PTDSS1: variants seen among roughly 807,000 people sequenced by gnomAD.
PTDSS1 encodes the protein PSS-1.
In PTDSS1, 45 loss-of-function variants were observed where a neutral mutation model predicts 70.5. The observed-to-expected ratio is 0.64, with a 90% CI of 0.50 to 0.82. PTDSS1 has a LOEUF of 0.82. Ranked by LOEUF, PTDSS1 falls within the 40% of genes least tolerant of loss-of-function variation. The pLI is 0.00. For synonymous variants in PTDSS1, 188 were observed against 203.8 expected (o/e 0.92, Z 0.66); for missense variants, 417 against 586.1 (o/e 0.71, Z 2.98).
At position 96,330,288 on chromosome 8, in the gene PTDSS1, A is replaced by G; in HGVS notation, c.1242+7A>G. On this transcript the variant is annotated splice_region_variant and intron_variant, in intron 11 of 12. Coordinates refer to ENST00000517309, the MANE Select transcript of PTDSS1 (RefSeq NM_014754.3). Reference sequence around the variant, plus strand: ...CTATGGTCACCGAGAAAAGGTATGGAAGGAGAGGCAGGCATGGCCATTGTT... The same window carrying G: ...CTATGGTCACCGAGAAAAGGTATGGGAGGAGAGGCAGGCATGGCCATTGTT... 1 of 1,605,100 alleles carries G rather than the reference A, an allele frequency of 6.2e-7. No individual in the cohort carries two copies. Among genetic ancestry groups the G allele is most frequent in the African/African-American group, 1.3e-5 (1 of 74,738 alleles).
chr8:96,319,322 C>A (rs1811341879), intron 9 of PTDSS1, among the ~76,000 whole-genome samples: 1 of 152,148 alleles, frequency 6.6e-6, no homozygotes, highest in Non-Finnish European at 1.5e-5. Context: ...AATCAGTATT[C>A]ATATGCTGCC....
chr8:96,327,727 G>A (rs760725121), intron 10 of PTDSS1, among the ~76,000 whole-genome samples: 30 of 152,272 alleles, frequency 2.0e-4, no homozygotes, highest in Middle Eastern at 3.4e-3. Flanking sequence ...TCATTAATTT[G>A]AATGCTCATT....
intron 5 of PTDSS1, among the ~76,000 whole-genome samples, chr8:96,296,981 C>T (rs1810984978): frequency 6.6e-6 from 1 of 152,192 alleles, no homozygotes; most frequent in African/African-American, 2.4e-5. Flanking sequence ...GGTCACCAGG[C>T]CCTATAGAGT....
At chr8:96,314,714 A>G (rs1811260561) in intron 9 of PTDSS1, among the ~76,000 whole-genome samples, 1 of 152,170 alleles carries the variant, frequency 6.6e-6, no homozygotes, top group Non-Finnish European at 1.5e-5. Flanking sequence ...CTCCTGCCTC[A>G]GCGTCCTGAG....
At chr8:96,270,644 A>G (rs914402430) in intron 1 of PTDSS1, among the ~76,000 whole-genome samples, 3 of 152,214 alleles carry the variant, frequency 2.0e-5, no homozygotes, top group East Asian at 3.9e-4. Context: ...TCACTCTCCT[A>G]TCCCCTAATC....
At chr8:96,290,143 T>C (rs1481406216) in intron 4 of PTDSS1, among the ~76,000 whole-genome samples, 1 of 152,238 alleles carries the variant, frequency 6.6e-6, no homozygotes, top group African/African-American at 2.4e-5. Context: ...TGGATCTCTC[T>C]GGCGTCAAAA....
chr8:96,302,576 C>CTTGTTGTTG (rs10694580), intron 6 of PTDSS1, among the ~76,000 whole-genome samples: 42 of 150,982 alleles, frequency 2.8e-4, no homozygotes, highest in Admixed American at 4.6e-4. Flanking sequence ...GTCTGCTTTC[C>CTTGTTGTTG]TTGTTGTTGT....
intron 10 of PTDSS1, among the ~76,000 whole-genome samples, chr8:96,326,768 A>G (rs1254258995): frequency 6.6e-6 from 1 of 152,162 alleles, no homozygotes; most frequent in Non-Finnish European, 1.5e-5. Flanking sequence ...GGAGGCTGGG[A>G]GAGTCTAGAG....
chr8:96,310,910 C>T (rs542797138), intron 9 of PTDSS1, among the ~76,000 whole-genome samples: 19 of 152,012 alleles, frequency 1.2e-4, no homozygotes, highest in Non-Finnish European at 1.8e-4. Context: ...GGACTACAGG[C>T]GCGTGCCACC....
chr8:96,309,631 T>C lies in PTDSS1; in HGVS notation c.1073+9T>C. Reference sequence around the variant, plus strand: ...CAATGCTGGGTGTTTGGGTGAGTAATCTGTTATTGTGGAGATTTAAAAACC... The same window carrying C: ...CAATGCTGGGTGTTTGGGTGAGTAACCTGTTATTGTGGAGATTTAAAAACC... On this transcript the variant is annotated intron_variant, in intron 9 of 12. Coordinates refer to ENST00000517309, the MANE Select transcript of PTDSS1 (RefSeq NM_014754.3). 3.1e-6 allele frequency: 5 copies of C among 1,613,712 alleles called. No homozygotes were observed. The highest frequency in any genetic ancestry group is 4.2e-6 in the Non-Finnish European group (5 of 1,179,698).
intron 2 of PTDSS1, among the ~76,000 whole-genome samples, chr8:96,278,122 G>A (rs1387671996): frequency 6.6e-6 from 1 of 152,220 alleles, no homozygotes; most frequent in Non-Finnish European, 1.5e-5. Context: ...GCCAGCAGAT[G>A]AAGAGATCAT....
At chr8:96,268,149 G>C (rs1810514346) in intron 1 of PTDSS1, among the ~76,000 whole-genome samples, 1 of 152,148 alleles carries the variant, frequency 6.6e-6, no homozygotes, top group Non-Finnish European at 1.5e-5. Context: ...TATTCAATAA[G>C]AACTTAAAAT....
intron 8 of PTDSS1, among the ~76,000 whole-genome samples, chr8:96,307,209 C>G (rs1811137896): frequency 6.6e-6 from 1 of 152,056 alleles, no homozygotes; most frequent in Non-Finnish European, 1.5e-5. Flanking sequence ...AGTTTTATAA[C>G]TAATACGGAA....
At chr8:96,327,426 T>TTTAAAGG (rs1437525512) in intron 10 of PTDSS1, among the ~76,000 whole-genome samples, 31 of 152,304 alleles carry the variant, frequency 2.0e-4, no homozygotes, top group Middle Eastern at 3.4e-3. Context: ...GGGTCTCCAC[T>TTTAAAGG]GCCTCCCTTT....
At position 96,299,597 on chromosome 8, in the gene PTDSS1, C is replaced by A. The variant is rs188668457; in HGVS notation, c.601-97C>A. On this transcript the variant is annotated intron_variant, in intron 5 of 12. Transcript: ENST00000517309. ...GGAAAAAATGAAATGTCAACAACTT[C>A]TTCTAAAATAATGTATTGTTAAAAA... The A allele has an allele frequency of 1.7e-3, 2,148 of 1,278,218 alleles. 52 individuals carry two copies. In the Admixed American group the frequency reaches 0.051, roughly 30 times the overall value. 79.2% of individuals were successfully genotyped at this position (1,278,218 alleles called of 1,614,324 possible).
chr8:96,306,555 A>G lies in PTDSS1; in HGVS notation c.1006A>G (p.Arg336Gly). The G allele has an allele frequency of 6.2e-7, 1 of 1,602,496 alleles. No homozygotes were observed. The highest frequency in any genetic ancestry group is 8.6e-7 in the Non-Finnish European group (1 of 1,169,392). The part of the protein sequence containing the change: ...FIGGITAPTV[R>G]QYYAYLTDTQ... ...TGGTGGCATCACAGCTCCCACAGTG[A>G]GGTAATTCTGCACAAGCCTGACTGT... The change falls in exon 8 of 13, where the codon AGA (arginine) becomes GGA (glycine). Residue 336 changes from arginine (R) to glycine (G), a missense_variant and splice_region_variant. Coordinates refer to ENST00000517309, the MANE Select transcript of PTDSS1 (RefSeq NM_014754.3).
chr8:96,299,646 AC>A, intron 5 of PTDSS1, 47 bp from the exon 6 acceptor site: 1 of 1,532,418 alleles, frequency 6.5e-7, no homozygotes, highest in Non-Finnish European at 8.8e-7. Context: ...TCTGCATGGT[AC>A]CCCAGTTTTG....
rs554805245 is a variant in PTDSS1 at position 96,290,547 on chromosome 8, C to T, written c.441+3401C>T. Among the ~76,000 whole-genome samples the T allele has an allele frequency of 4.6e-5, 7 of 152,316 alleles. No homozygotes were observed. The South Asian group carries it at 1.4e-3, about 32-fold the overall frequency. ...CTAAATCTTTCTTGCCAAAGTAAAG[C>T]ACGAGGCTGTGTTCAGCCTGTAGAG... On this transcript the variant is annotated intron_variant, in intron 4 of 12. Coordinates refer to ENST00000517309, the MANE Select transcript of PTDSS1 (RefSeq NM_014754.3).
chr8:96,300,376 C>G (rs1046084098), intron 6 of PTDSS1, among the ~76,000 whole-genome samples: 1 of 152,172 alleles, frequency 6.6e-6, no homozygotes, highest in Non-Finnish European at 1.5e-5. Flanking sequence ...ACACGCTCCC[C>G]TCTCTTCACC....
Sources: gnomAD v4.1 joint callset for allele counts (sites outside exome capture counted in the v4.1 genomes callset) on GRCh38, gnomAD v4.1.1 for gene constraint, MANE v1.5 for transcripts, NCBI Gene and HGNC (gene_info 2026-07-23, HGNC 2026-07-21) for gene names.